CDIN1: variants seen among roughly 807,000 people sequenced by gnomAD.
CDIN1 encodes CDAN1-interacting nuclease 1.
Under a neutral mutation model 45.3 loss-of-function variants are expected in CDIN1, and 33 were observed. The ratio of observed to expected loss-of-function variants is 0.73; its 90% CI spans 0.55 to 0.97. The LOEUF (loss-of-function observed/expected upper bound fraction) is 0.97. Ranked by LOEUF, CDIN1 falls within the 50% of genes least tolerant of loss-of-function variation. The probability of loss-of-function intolerance (pLI) is 0.00; values close to 1 mark genes in which losing one functional copy is unlikely to be tolerated. For synonymous variants in CDIN1, 118 were observed against 124.4 expected, an observed-to-expected ratio of 0.95 and a Z score of 0.34; for missense variants, 303 against 339.4, an observed-to-expected ratio of 0.89 and a Z score of 0.84.
intron 1 of CDIN1, among the ~76,000 whole-genome samples, chr15:36,585,245 G>C (rs2140162836): frequency 6.6e-6 from 1 of 152,178 alleles, no homozygotes; most frequent in African/African-American, 2.4e-5. Context: ...ACATTACCAT[G>C]GTACGATTGT....
At chr15:36,674,563 A>G (rs991469793) in intron 5 of CDIN1, among the ~76,000 whole-genome samples, 1 of 152,184 alleles carries the variant, frequency 6.6e-6, no homozygotes, top group South Asian at 2.1e-4. Flanking sequence ...ACTATTTTGC[A>G]GAAGCAGCGT....
intron 10 of CDIN1, among the ~76,000 whole-genome samples, chr15:36,797,589 A>G (rs756492329): frequency 6.6e-5 from 10 of 152,172 alleles, no homozygotes; most frequent in Non-Finnish European, 1.0e-4. Flanking sequence ...CCTAGACAGA[A>G]TAGATTCCTA....
intron 5 of CDIN1, among the ~76,000 whole-genome samples, chr15:36,675,951 T>G (rs1414129872): frequency 1.3e-5 from 2 of 151,854 alleles, no homozygotes; most frequent in African/African-American, 4.8e-5. Context: ...AATTTTGACT[T>G]TTTTTTTGGT....
chr15:36,651,189 G>A (rs1331853228), intron 3 of CDIN1, among the ~76,000 whole-genome samples: 2 of 152,290 alleles, frequency 1.3e-5, no homozygotes, highest in East Asian at 3.9e-4. Context: ...CCTTAATGTA[G>A]TATTGAGAAT....
intron 5 of CDIN1, among the ~76,000 whole-genome samples, chr15:36,659,680 T>A (rs2040918912): frequency 6.6e-6 from 1 of 151,544 alleles, no homozygotes; most frequent in Admixed American, 6.6e-5. Context: ...TTATTTTTAA[T>A]CATCATACTA....
intron 5 of CDIN1, among the ~76,000 whole-genome samples, chr15:36,663,467 G>A (rs1362150970): frequency 6.6e-6 from 1 of 152,156 alleles, no homozygotes; most frequent in Non-Finnish European, 1.5e-5. Flanking sequence ...GACCCAGTAG[G>A]AGGTAATTGA....
Position 36,613,690 on chromosome 15 carries a change from C to T in CDIN1, c.102-30588C>T, listed in dbSNP as rs951009200. ...GTGCTCAGGAGCGCCTGGCTACTGC[C>T]CTGCAAAAGCTAGAAGAAGCGGAAA... On this transcript the variant is annotated intron_variant, in intron 1 of 10. Transcript: ENST00000566621. 62 of 1,482,536 alleles carry T rather than the reference C, an allele frequency of 4.2e-5. No homozygotes were observed. The African/African-American group carries it at 8.2e-4, about 19-fold the overall frequency. The allele number at this position is 1,482,536 out of a possible 1,614,324, so 91.8% of individuals were successfully genotyped here.
chr15:36,610,234 T>C (rs1187652618), intron 1 of CDIN1, among the ~76,000 whole-genome samples: 1 of 152,242 alleles, frequency 6.6e-6, no homozygotes, highest in African/African-American at 2.4e-5. Flanking sequence ...AAATGATATT[T>C]GACTAAAGCA....
chr15:36,701,701 G>C (rs561376256), intron 8 of CDIN1, among the ~76,000 whole-genome samples: 11 of 152,262 alleles, frequency 7.2e-5, no homozygotes, highest in South Asian at 2.1e-4. Flanking sequence ...CCTGTTAGTA[G>C]ATGCTAACAA....
chr15:36,753,748 T>G (rs934973055), intron 10 of CDIN1, among the ~76,000 whole-genome samples: 4 of 152,126 alleles, frequency 2.6e-5, no homozygotes, highest in African/African-American at 9.7e-5. Context: ...TTTTTGTCTT[T>G]AAAATAAAGC....
chr15:36,672,452 A>G (rs2041486531), intron 5 of CDIN1, among the ~76,000 whole-genome samples: 2 of 152,204 alleles, frequency 1.3e-5, no homozygotes, highest in Non-Finnish European at 2.9e-5. Context: ...CCTGTCCTCC[A>G]GGAGCTTGCA....
At chr15:36,791,200 TCTAAA>T (rs548501863) in intron 10 of CDIN1, among the ~76,000 whole-genome samples, 83 of 152,058 alleles carry the variant, frequency 5.5e-4, no homozygotes, top group African/African-American at 1.9e-3. Flanking sequence ...AGGTTTGACA[TCTAAA>T]CTAGACCTAC....
chr15:36,707,553 A>ATG (rs10686547), intron 8 of CDIN1: 119,168 of 152,042 alleles, frequency 0.78, 47,328 homozygotes, highest in East Asian at 0.96. Flanking sequence ...AGGGATTTTT[A>ATG]TGTGCATTTG....
At chr15:36,701,361 A>T (rs894229954) in intron 8 of CDIN1, among the ~76,000 whole-genome samples, 1 of 152,142 alleles carries the variant, frequency 6.6e-6, no homozygotes, top group African/African-American at 2.4e-5. Flanking sequence ...AGACATGTTA[A>T]CTAGTATCTC....
At chr15:36,597,406 A>C (rs1007404120) in intron 1 of CDIN1, among the ~76,000 whole-genome samples, 2 of 152,190 alleles carry the variant, frequency 1.3e-5, no homozygotes, top group Non-Finnish European at 2.9e-5. Flanking sequence ...TCTTAAAGCT[A>C]TCTGTTAATG....
intron 4 of CDIN1, 29 bp from the exon 5 acceptor site, chr15:36,657,804 T>G (rs1283110788): frequency 6.3e-7 from 1 of 1,579,978 alleles, no homozygotes; most frequent in Admixed American, 1.7e-5. Flanking sequence ...AACTTGATAG[T>G]TTTAATTTTC....
intron 1 of CDIN1, among the ~76,000 whole-genome samples, chr15:36,585,079 A>G (rs990003224): frequency 3.3e-5 from 5 of 152,158 alleles, no homozygotes; most frequent in Non-Finnish European, 5.9e-5. Context: ...ATAAGGTTAT[A>G]TTTTACATTA....
intron 3 of CDIN1, among the ~76,000 whole-genome samples, chr15:36,652,608 TC>T (rs1397507300): frequency 5.3e-5 from 8 of 152,184 alleles, no homozygotes; most frequent in African/African-American, 1.7e-4. Flanking sequence ...ATTTATTTTT[TC>T]CTCTTGCTTC....
rs558018244 is a variant in CDIN1, at chr15:36,766,625, G to A, written c.717-41699G>A. On this transcript the variant is annotated intron_variant, in intron 10 of 10. Transcript: ENST00000566621. ...ATAATAGCCATTCTAACAGGTGAGC[G>A]GTGATATCTCTTTGTGGTTTTGACG... 1.4e-3 allele frequency among the ~76,000 whole-genome samples: 206 copies of A among 152,202 alleles called. 1 individual carries two copies. Among genetic ancestry groups the A allele is most frequent in the African/African-American group, 4.6e-3 (193 of 41,548 alleles).
Sources: gnomAD v4.1 joint callset for allele counts (sites outside exome capture counted in the v4.1 genomes callset) on GRCh38, gnomAD v4.1.1 for gene constraint, MANE v1.5 for transcripts, NCBI Gene and HGNC (gene_info 2026-07-23, HGNC 2026-07-21) for gene names.